Variants in GNAI1 observed in about 807,000 individuals in gnomAD.
GNAI1 encodes guanine nucleotide-binding protein G(i) subunit alpha-1.
A neutral mutation model predicts 38.9 loss-of-function variants in GNAI1; 11 were observed. The ratio of observed to expected loss-of-function variants is 0.28; its 90% CI spans 0.18 to 0.47. The LOEUF is 0.47. Among genes scored for constraint, GNAI1 ranks in the 20% least tolerant of loss-of-function variants. The probability of loss-of-function intolerance (pLI) is 0.99; values close to 1 mark genes in which losing one functional copy is unlikely to be tolerated. For missense variants in GNAI1, 317 were observed against 436.9 expected (o/e 0.73, Z 2.45); for synonymous variants, 166 against 145.1 (o/e 1.14, Z -1.04).
chr7:80,158,824 C>G (rs190275512), intron 1 of GNAI1, among the ~76,000 whole-genome samples: 1 of 152,190 alleles, frequency 6.6e-6, no homozygotes, highest in African/African-American at 2.4e-5. Flanking sequence ...CAAATTCCTC[C>G]CAGTTCATCC....
intron 3 of GNAI1, among the ~76,000 whole-genome samples, chr7:80,193,012 T>G (rs967142836): frequency 1.3e-5 from 2 of 151,610 alleles, no homozygotes; most frequent in South Asian, 2.1e-4. Flanking sequence ...TTTTATTGTT[T>G]TTTTTTTTGT....
Position 80,153,640 on chromosome 7 carries a change from T to C in GNAI1, c.118+18362T>C, listed in dbSNP as rs1019586168. Reference sequence around the variant, plus strand: ...AGGACTTGTATTAATGGCCTTAACATTCTGAAGCATGGCCCTAAAATACTT... The same window carrying C: ...AGGACTTGTATTAATGGCCTTAACACTCTGAAGCATGGCCCTAAAATACTT... On this transcript the variant is annotated intron_variant, in intron 1 of 7. Coordinates refer to ENST00000649796, the MANE Select transcript of GNAI1 (RefSeq NM_002069.6). 2.6e-5 allele frequency among the ~76,000 whole-genome samples: 4 copies of C among 152,288 alleles called. No homozygotes were observed. The East Asian group carries it at 7.7e-4, about 29-fold the overall frequency.
intron 1 of GNAI1, among the ~76,000 whole-genome samples, chr7:80,169,542 A>G (rs958003839): frequency 2.0e-5 from 3 of 152,206 alleles, no homozygotes; most frequent in African/African-American, 4.8e-5. Flanking sequence ...GCTCTTAGCA[A>G]GTAACCAGGT....
In GNAI1 at chr7:80,221,960, T is replaced by G. The variant is rs1789087423; in HGVS notation, c.*4467T>G. 6.6e-6 allele frequency among the ~76,000 whole-genome samples: 1 copy of G among 152,096 alleles called. No homozygotes were observed. The highest frequency in any genetic ancestry group is 1.5e-5 in the Non-Finnish European group (1 of 68,012). ...CAGCCAGTTTTCTTTTTTAGTTCTT[T>G]TCAAAACCCTTTCTTAACAGTTGAA... On this transcript the variant is annotated 3_prime_UTR_variant, in exon 8 of 8. Transcript: ENST00000649796.
intron 3 of GNAI1, among the ~76,000 whole-genome samples, chr7:80,190,631 A>G (rs1220075342): frequency 6.6e-6 from 1 of 152,156 alleles, no homozygotes; most frequent in Non-Finnish European, 1.5e-5. Flanking sequence ...ACTGCACAGT[A>G]GGGAACCATG....
At chr7:80,171,698 C>G (rs1254038728) in intron 1 of GNAI1, among the ~76,000 whole-genome samples, 2 of 152,160 alleles carry the variant, frequency 1.3e-5, no homozygotes, top group Non-Finnish European at 2.9e-5. Context: ...TTTCCGGAAC[C>G]AAATTTGCTT....
rs114413597 is a variant in GNAI1, at chr7:80,198,541, A to G, written c.304-684A>G. ...TATCTTTTCATTTAGAAATTTTTACATACTGTCCTCTATGTATATCATGAG... is the reference window on the plus strand; with the variant it reads ...TATCTTTTCATTTAGAAATTTTTACGTACTGTCCTCTATGTATATCATGAG... On this transcript the variant is annotated intron_variant, in intron 3 of 7. Transcript: ENST00000649796. 1.1e-3 allele frequency among the ~76,000 whole-genome samples: 161 copies of G among 152,246 alleles called. 1 individual carries two copies. Among genetic ancestry groups the G allele is most frequent in the African/African-American group, 3.6e-3 (151 of 41,542 alleles).
chr7:80,155,776 G>A (rs1331456518), intron 1 of GNAI1, among the ~76,000 whole-genome samples: 2 of 152,060 alleles, frequency 1.3e-5, no homozygotes, highest in African/African-American at 4.8e-5. Flanking sequence ...TTAGAAAACT[G>A]CTGGGCATGG....
At position 80,220,638 on chromosome 7, in the gene GNAI1, TA is replaced by T. The variant is rs1280335877; in HGVS notation, c.*3147del. Reference sequence around the variant, plus strand: ...TTCTAAAAGTCTACTTTTTTATGCCTAATCTAGTTTAATCGAATTCAGTTTG... The same window carrying T: ...TTCTAAAAGTCTACTTTTTTATGCCTATCTAGTTTAATCGAATTCAGTTTG... On this transcript the variant is annotated 3_prime_UTR_variant, in exon 8 of 8. Coordinates refer to ENST00000649796, the MANE Select transcript of GNAI1 (RefSeq NM_002069.6). Among the ~76,000 whole-genome samples the T allele has an allele frequency of 6.6e-6, 1 of 152,208 alleles. No homozygotes were observed.
At chr7:80,173,096 A>C (rs572731374) in intron 1 of GNAI1, among the ~76,000 whole-genome samples, 1 of 152,216 alleles carries the variant, frequency 6.6e-6, no homozygotes, top group Non-Finnish European at 1.5e-5. Context: ...GGGTACTGGT[A>C]CCACTTCTGG....
At chr7:80,172,701 G>A (rs1449006742) in intron 1 of GNAI1, among the ~76,000 whole-genome samples, 6 of 151,944 alleles carry the variant, frequency 3.9e-5, no homozygotes, top group Non-Finnish European at 5.9e-5. Flanking sequence ...TTTTTCCTCC[G>A]TACTTAAGAA....
intron 1 of GNAI1, among the ~76,000 whole-genome samples, chr7:80,143,264 T>C: frequency 6.6e-6 from 1 of 152,108 alleles, no homozygotes; most frequent in South Asian, 2.1e-4. Context: ...CCTCATAATG[T>C]CAAATGGGGA....
chr7:80,151,052 A>G (rs1787715837), intron 1 of GNAI1, among the ~76,000 whole-genome samples: 1 of 152,082 alleles, frequency 6.6e-6, no homozygotes, highest in Admixed American at 6.6e-5. Context: ...GGAATTCAGG[A>G]GCCTCTGTGG....
chr7:80,177,756 G>A (rs965764846), intron 1 of GNAI1, among the ~76,000 whole-genome samples: 1 of 152,172 alleles, frequency 6.6e-6, no homozygotes, highest in Non-Finnish European at 1.5e-5. Flanking sequence ...TTATAGGTTT[G>A]AGCCACTGTG....
At chr7:80,195,338 CT>C (rs1584042264) in intron 3 of GNAI1, among the ~76,000 whole-genome samples, 1 of 151,780 alleles carries the variant, frequency 6.6e-6, no homozygotes, top group East Asian at 1.9e-4. Flanking sequence ...TTATTTTAGG[CT>C]TTTTCCCCCC....
Position 80,221,272 on chromosome 7 carries a change from T to C in GNAI1, c.*3779T>C, listed in dbSNP as rs1478921830. On this transcript the variant is annotated 3_prime_UTR_variant, in exon 8 of 8. Transcript: ENST00000649796. Reference sequence around the variant, plus strand: ...AAATAAATAAGGATTAAATAATCCATTAATTTTAATGGTTGTTGTCAGCAT... The same window carrying C: ...AAATAAATAAGGATTAAATAATCCACTAATTTTAATGGTTGTTGTCAGCAT... Among the ~76,000 whole-genome samples the C allele has an allele frequency of 6.6e-6, 1 of 152,234 alleles. No individual in the cohort carries two copies. Among genetic ancestry groups the C allele is most frequent in the Non-Finnish European group, 1.5e-5 (1 of 68,038 alleles).
At chr7:80,140,279 C>T (rs760195575) in intron 1 of GNAI1, among the ~76,000 whole-genome samples, 1 of 151,834 alleles carries the variant, frequency 6.6e-6, no homozygotes, top group South Asian at 2.1e-4. Context: ...CCACCGCACC[C>T]TTTGGCCCCA....
chr7:80,139,443 A>G (rs1474818192), intron 1 of GNAI1, among the ~76,000 whole-genome samples: 1 of 152,156 alleles, frequency 6.6e-6, no homozygotes, highest in Non-Finnish European at 1.5e-5. Flanking sequence ...CCAAACAGAA[A>G]CTGTTGGCAC....
At position 80,221,854 on chromosome 7, in the gene GNAI1, A is replaced by G. The variant is rs1789083704; in HGVS notation, c.*4361A>G. 6.6e-6 allele frequency among the ~76,000 whole-genome samples: 1 copy of G among 152,030 alleles called. No individual in the cohort carries two copies. The highest frequency in any genetic ancestry group is 1.9e-4 in the East Asian group (1 of 5,142). Reference sequence around the variant, plus strand: ...GGGGGGTTTCACCATGTTGGCCAGGATGGTCTTGATCACCTGACCTTGTGA... The same window carrying G: ...GGGGGGTTTCACCATGTTGGCCAGGGTGGTCTTGATCACCTGACCTTGTGA... On this transcript the variant is annotated 3_prime_UTR_variant, in exon 8 of 8. Coordinates refer to ENST00000649796, the MANE Select transcript of GNAI1 (RefSeq NM_002069.6).
Sources: gnomAD v4.1 joint callset for allele counts (sites outside exome capture counted in the v4.1 genomes callset) on GRCh38, gnomAD v4.1.1 for gene constraint, MANE v1.5 for transcripts, NCBI Gene and HGNC (gene_info 2026-07-23, HGNC 2026-07-21) for gene names.